CEMIP: variants seen among roughly 807,000 people sequenced by gnomAD.
CEMIP encodes cell migration-inducing and hyaluronan-binding protein.
CEMIP carries 105 observed loss-of-function variants against 156.9 expected under a neutral mutation model. The ratio of observed to expected loss-of-function variants is 0.67; its 90% CI spans 0.57 to 0.79. CEMIP has a LOEUF of 0.79. Among genes scored for constraint, CEMIP ranks in the 30% least tolerant of loss-of-function variants. The probability of loss-of-function intolerance (pLI) is 0.00; values close to 1 mark genes in which losing one functional copy is unlikely to be tolerated. For missense variants in CEMIP, 1,457 were observed against 1,769.4 expected (o/e 0.82, Z 3.17); for synonymous variants, 676 against 668.4 (o/e 1.01, Z -0.17).
In CEMIP at chr15:80,786,813, A is replaced by C. The variant is rs1037704991; in HGVS notation, c.-176+7199A>C. ...TTGCAAAAATGGGCTTCTTATTTAC[A>C]ACCTGGTCTGTTAATCTTGTTAAAC... is the stretch of plus-strand genomic sequence containing the variant. On this transcript the variant is annotated intron_variant, in intron 1 of 29. Transcript: ENST00000394685. 5.9e-5 allele frequency among the ~76,000 whole-genome samples: 9 copies of C among 152,292 alleles called. No individual in the cohort carries two copies. The South Asian group carries it at 1.0e-3, about 18-fold the overall frequency.
At chr15:80,941,763 C>A in intron 25 of CEMIP, 86 bp from the exon 26 acceptor site, 2 of 1,259,266 alleles carry the variant, frequency 1.6e-6, no homozygotes, top group Non-Finnish European at 2.3e-6. Context: ...CTATGACCAG[C>A]TCAGAGTAAA....
chr15:80,839,599 A>G (rs964152507), intron 1 of CEMIP, among the ~76,000 whole-genome samples: 2 of 151,836 alleles, frequency 1.3e-5, no homozygotes, highest in African/African-American at 4.9e-5. Context: ...AAAAGGCAAC[A>G]CTGTGCTTGC....
intron 1 of CEMIP, among the ~76,000 whole-genome samples, chr15:80,795,169 C>A (rs1896186314): frequency 6.6e-6 from 1 of 151,990 alleles, no homozygotes; most frequent in Admixed American, 6.6e-5. Context: ...AAACCATGCT[C>A]AGGACTGTGA....
chr15:80,833,005 CAG>C (rs138116851), intron 1 of CEMIP, among the ~76,000 whole-genome samples: 33 of 151,464 alleles, frequency 2.2e-4, no homozygotes, highest in Admixed American at 5.3e-4. Flanking sequence ...TGAAAGTCCA[CAG>C]AGAGAGAGAG....
At position 80,920,403 on chromosome 15, in the gene CEMIP, C is replaced by T. The variant is rs914850605; in HGVS notation, c.2003+104C>T. On this transcript the variant is annotated intron_variant, in intron 15 of 29. Transcript: ENST00000394685. Reference sequence around the variant, plus strand: ...AGCACCAGACTTCTGCACTTCGGGGCTCTGAGGAGCTTGGGCCTCACAGCC... The same window carrying T: ...AGCACCAGACTTCTGCACTTCGGGGTTCTGAGGAGCTTGGGCCTCACAGCC... 1.9e-5 allele frequency: 21 copies of T among 1,082,654 alleles called. No homozygotes were observed. The South Asian group carries it at 3.1e-4, about 16-fold the overall frequency. The allele number at this position is 1,082,654 out of a possible 1,614,324, so 67.1% of individuals were successfully genotyped here.
At chr15:80,933,940 T>G (rs1471555234) in intron 23 of CEMIP, among the ~76,000 whole-genome samples, 1 of 152,230 alleles carries the variant, frequency 6.6e-6, no homozygotes, top group Non-Finnish European at 1.5e-5. Flanking sequence ...AAACAGAATT[T>G]AATTTTAATA....
At chr15:80,846,319 C>T (rs1307430061) in intron 1 of CEMIP, among the ~76,000 whole-genome samples, 2 of 152,238 alleles carry the variant, frequency 1.3e-5, no homozygotes, top group Non-Finnish European at 2.9e-5. Context: ...TCCCCCGTCT[C>T]TCTCTGGGTC....
intron 25 of CEMIP, chr15:80,938,195 C>A: frequency 3.7e-6 from 2 of 539,658 alleles, no homozygotes; most frequent in South Asian, 2.2e-5. Context: ...ATTAAATATA[C>A]ATGTGAATTG....
At chr15:80,869,056 T>A (rs1416657388) in intron 1 of CEMIP, among the ~76,000 whole-genome samples, 1 of 152,166 alleles carries the variant, frequency 6.6e-6, no homozygotes, top group Non-Finnish European at 1.5e-5. Flanking sequence ...GGTTGGCTTC[T>A]TCTGAAGCCT....
intron 14 of CEMIP, among the ~76,000 whole-genome samples, chr15:80,917,368 T>G (rs1900313435): frequency 6.6e-6 from 1 of 152,160 alleles, no homozygotes; most frequent in Non-Finnish European, 1.5e-5. Flanking sequence ...CTGAGCATCC[T>G]GGGACACTCC....
At chr15:80,947,851 T>TAACA (rs1297318178) in intron 29 of CEMIP, 2 of 152,276 alleles carry the variant, frequency 1.3e-5, no homozygotes, top group South Asian at 4.1e-4. Flanking sequence ...ACCAAGAATT[T>TAACA]AACAGCCAAG....
At chr15:80,921,169 G>T in intron 16 of CEMIP, 68 bp downstream of exon 16, 3 of 1,402,680 alleles carry the variant, frequency 2.1e-6, no homozygotes, top group Non-Finnish European at 3.0e-6. Flanking sequence ...GACAGCCGAG[G>T]CTTACCTTGA....
intron 1 of CEMIP, among the ~76,000 whole-genome samples, chr15:80,784,031 G>A (rs1197445679): frequency 6.6e-6 from 1 of 152,136 alleles, no homozygotes; most frequent in Non-Finnish European, 1.5e-5. Context: ...TGAGCCCTGG[G>A]GAGCACAAGC....
intron 24 of CEMIP, 41 bp from the exon 25 acceptor site, chr15:80,937,753 G>T: frequency 6.2e-7 from 1 of 1,603,216 alleles, no homozygotes; most frequent in Non-Finnish European, 8.5e-7. Flanking sequence ...CCTGTGGCCT[G>T]GACACCCTTG....
chr15:80,832,427 T>G (rs1281886817), intron 1 of CEMIP, among the ~76,000 whole-genome samples: 1 of 151,634 alleles, frequency 6.6e-6, no homozygotes, highest in Non-Finnish European at 1.5e-5. Context: ...GTGACCTGTT[T>G]GGTCCAAAAG....
At chr15:80,810,810 A>G (rs1896653089) in intron 1 of CEMIP, among the ~76,000 whole-genome samples, 1 of 110,662 alleles carries the variant, frequency 9.0e-6, no homozygotes, top group Non-Finnish European at 1.8e-5. Flanking sequence ...TCAACCATCC[A>G]TCCATCCATC....
chr15:80,844,922 A>G (rs926361829), intron 1 of CEMIP, among the ~76,000 whole-genome samples: 1 of 152,182 alleles, frequency 6.6e-6, no homozygotes, highest in Non-Finnish European at 1.5e-5. Context: ...AGCACTCACC[A>G]TGTCCACTTC....
chr15:80,879,977 C>A, intron 5 of CEMIP, 123 bp downstream of exon 5: 1 of 1,092,330 alleles, frequency 9.2e-7, no homozygotes, highest in Non-Finnish European at 1.4e-6. Flanking sequence ...TTCTGTCCTG[C>A]CAGATGGGGA....
At chr15:80,885,632 G>A (rs556041071) in intron 7 of CEMIP, among the ~76,000 whole-genome samples, 2 of 152,318 alleles carry the variant, frequency 1.3e-5, no homozygotes, top group South Asian at 4.1e-4. Context: ...GTTTGAGTCT[G>A]GGTTGCACCT....
Sources: gnomAD v4.1 joint callset for allele counts (sites outside exome capture counted in the v4.1 genomes callset) on GRCh38, gnomAD v4.1.1 for gene constraint, MANE v1.5 for transcripts, NCBI Gene and HGNC (gene_info 2026-07-23, HGNC 2026-07-21) for gene names.